PLXNC1: variants seen among roughly 807,000 people sequenced by gnomAD.
The protein encoded by PLXNC1 is plexin-C1.
PLXNC1 carries 75 observed loss-of-function variants against 178.2 expected under a neutral mutation model. That is an observed-to-expected ratio of 0.42 (90% CI 0.35 to 0.51). The LOEUF (loss-of-function observed/expected upper bound fraction) is 0.51, where lower values mean the gene tolerates loss of function less well. Ranked by LOEUF, PLXNC1 falls within the 20% of genes least tolerant of loss-of-function variation. The probability of loss-of-function intolerance (pLI) is 0.02; values close to 1 mark genes in which losing one functional copy is unlikely to be tolerated. For missense variants in PLXNC1, 1,503 were observed against 1,984.4 expected (o/e 0.76, Z 4.61); for synonymous variants, 790 against 779.9 (o/e 1.01, Z -0.22).
In PLXNC1 at chr12:94,305,450, T is replaced by TAC; in HGVS notation, c.*166_*167dup. ...GCACATGCACAGCTTTTAGAAAGCATACCAACCCTTGTGCCTGTGTGTATA... is the reference window on the plus strand; with the variant it reads ...GCACATGCACAGCTTTTAGAAAGCATACACCAACCCTTGTGCCTGTGTGTATA... On this transcript the variant is annotated 3_prime_UTR_variant, in exon 31 of 31. Transcript: ENST00000258526. 1.7e-6 allele frequency: 1 copy of TAC among 584,758 alleles called. No individual in the cohort carries two copies. The highest frequency in any genetic ancestry group is 2.8e-5 in the East Asian group (1 of 35,428). 36.2% of individuals were successfully genotyped at this position (584,758 alleles called of 1,614,324 possible). A position where few individuals can be genotyped will look rare whatever the true frequency, so the allele number is the denominator to read the frequency against.
intron 30 of PLXNC1, 58 bp downstream of exon 30, chr12:94,304,109 T>C (rs1047945603): frequency 1.3e-5 from 14 of 1,090,248 alleles, no homozygotes; most frequent in African/African-American, 7.9e-5. Context: ...GATGTGGTTA[T>C]AGCATTCTGT....
In PLXNC1 at chr12:94,254,866, G is replaced by A. The variant is rs1172376954; in HGVS notation, c.2961G>A (p.Glu987=). The change falls in exon 16 of 31, where the codon GAG becomes GAA. Residue 987 remains glutamate (E), a synonymous_variant. Coordinates refer to ENST00000258526, the MANE Select transcript of PLXNC1 (RefSeq NM_005761.3). The part of the protein sequence containing the change: ...QSQQLELLES[E]LRKEIRDGFA... The stretch of plus-strand genomic sequence containing the variant: ...AACAACTAGAATTGCTGGAAAGCGA[G>A]CTCCGGAAAGAGATACGTGACGGTA... 6.2e-7 allele frequency: 1 copy of A among 1,611,472 alleles called. No individual in the cohort carries two copies. The highest frequency in any genetic ancestry group is 1.1e-5 in the South Asian group (1 of 90,048).
intron 4 of PLXNC1, among the ~76,000 whole-genome samples, chr12:94,196,505 TC>T (rs1962920782): frequency 6.6e-6 from 1 of 152,180 alleles, no homozygotes; most frequent in East Asian, 1.9e-4. Flanking sequence ...TACCCATGCT[TC>T]CTGTACAGCC....
chr12:94,208,214 GGA>G (rs1963362705), intron 4 of PLXNC1, among the ~76,000 whole-genome samples: 1 of 152,152 alleles, frequency 6.6e-6, no homozygotes, highest in Non-Finnish European at 1.5e-5. Flanking sequence ...TTATAATGTT[GGA>G]GAAGAAACTG....
chr12:94,205,773 G>C (rs1963279779), intron 4 of PLXNC1, among the ~76,000 whole-genome samples: 1 of 152,100 alleles, frequency 6.6e-6, no homozygotes, highest in African/African-American at 2.4e-5. Context: ...TCTGTTTCTG[G>C]GGTCCCCATC....
chr12:94,278,772 C>T (rs1002499927), intron 21 of PLXNC1, among the ~76,000 whole-genome samples: 1 of 151,936 alleles, frequency 6.6e-6, no homozygotes, highest in African/African-American at 2.4e-5. Flanking sequence ...CTGAGGTGGG[C>T]AGATCACAAG....
At chr12:94,248,541 A>G (rs1964593398) in intron 14 of PLXNC1, 129 bp downstream of exon 14, 1 of 780,180 alleles carries the variant, frequency 1.3e-6, no homozygotes, top group Non-Finnish European at 2.0e-6. Flanking sequence ...AGATAAACAA[A>G]GCTGGTACTG....
intron 3 of PLXNC1, among the ~76,000 whole-genome samples, chr12:94,184,602 T>C (rs77114133): frequency 0.084 from 12,788 of 151,704 alleles, 736 homozygotes; most frequent in African/African-American, 0.15. Context: ...TTTGTATTTT[T>C]AGTAGAGACA....
chr12:94,283,529 T>C (rs906004772), intron 23 of PLXNC1, among the ~76,000 whole-genome samples: 1 of 152,174 alleles, frequency 6.6e-6, no homozygotes, highest in Non-Finnish European at 1.5e-5. Context: ...GGAATTGAGA[T>C]AAAGTAATTT....
chr12:94,202,731 T>C (rs963999091), intron 4 of PLXNC1, among the ~76,000 whole-genome samples: 3 of 152,168 alleles, frequency 2.0e-5, no homozygotes, highest in African/African-American at 4.8e-5. Context: ...CGAGGCACTA[T>C]GGAATAGATA....
In PLXNC1 at chr12:94,238,275, C is replaced by T. The variant is rs935067677; in HGVS notation, c.2120+472C>T. Reference sequence around the variant, plus strand: ...GACATTTTATTCTTTGTAGCCTTCTCTTTACTGGTTTGGTTTCAGCCTCCA... The same window carrying T: ...GACATTTTATTCTTTGTAGCCTTCTTTTTACTGGTTTGGTTTCAGCCTCCA... On this transcript the variant is annotated intron_variant, in intron 10 of 30. Transcript: ENST00000258526. Among the ~76,000 whole-genome samples the T allele has an allele frequency of 2.6e-4, 39 of 152,292 alleles. 1 individual carries two copies. The highest frequency in any genetic ancestry group is 2.4e-3 in the Admixed American group (36 of 15,296).
chr12:94,149,009 C>G lies in PLXNC1; in HGVS notation c.38C>G (p.Pro13Arg). 1 of 1,468,824 alleles carries G rather than the reference C, an allele frequency of 6.8e-7. No individual in the cohort carries two copies. Among genetic ancestry groups the G allele is most frequent in the Non-Finnish European group, 8.9e-7 (1 of 1,118,222 alleles). The allele number at this position is 1,468,824 out of a possible 1,614,324, so 91.0% of individuals were successfully genotyped here. The change falls in exon 1 of 31, where the codon CCG (proline) becomes CGG (arginine). Residue 13 changes from proline (P) to arginine (R), a missense_variant. Physicochemically the swap from Pro to Arg is moderately radical, Grantham distance 103. Around this residue, in one of 4 missense-constraint regions of PLXNC1, gnomAD observed 176 missense variants for 180.7 expected, o/e 0.97. Coordinates refer to ENST00000258526, the MANE Select transcript of PLXNC1 (RefSeq NM_005761.3). ...VSRRKAPPRP[P>R]RPAAPLPLLA... ...CGGAGGAAGGCGCCGCCGCGCCCCC[C>G]GCGCCCCGCAGCGCCACTGCCCCTG...
At chr12:94,293,712 G>A (rs1353388900) in intron 23 of PLXNC1, among the ~76,000 whole-genome samples, 2 of 152,182 alleles carry the variant, frequency 1.3e-5, no homozygotes, top group Non-Finnish European at 2.9e-5. Context: ...TTGGATGTCT[G>A]GGCTCAAGTG....
At chr12:94,220,285 C>G in intron 6 of PLXNC1, 122 bp downstream of exon 6, 1 of 905,656 alleles carries the variant, frequency 1.1e-6, no homozygotes, top group East Asian at 2.5e-5. Context: ...CCTCACTACC[C>G]CCTGGTTCCC....
chr12:94,303,655 G>A (rs1374907263), intron 28 of PLXNC1, 101 bp from the exon 29 acceptor site: 4 of 1,037,998 alleles, frequency 3.9e-6, no homozygotes, highest in Non-Finnish European at 5.3e-6. Flanking sequence ...GTTGGTGGTG[G>A]GGGTTCAGCT....
At chr12:94,153,537 T>C (rs1961039389) in intron 1 of PLXNC1, among the ~76,000 whole-genome samples, 1 of 152,248 alleles carries the variant, frequency 6.6e-6, no homozygotes, top group African/African-American at 2.4e-5. Context: ...CACACCAACG[T>C]GATACACAGA....
chr12:94,191,749 G>C (rs1962732545), intron 4 of PLXNC1, among the ~76,000 whole-genome samples: 1 of 144,072 alleles, frequency 6.9e-6, no homozygotes, highest in Non-Finnish European at 1.5e-5. Flanking sequence ...CAGCCTGGGT[G>C]ACAGAGTGAA....
chr12:94,225,191 T>C (rs139814530), intron 7 of PLXNC1, among the ~76,000 whole-genome samples: 46 of 152,148 alleles, frequency 3.0e-4, no homozygotes, highest in African/African-American at 1.1e-3. Flanking sequence ...CAATTGGAAG[T>C]TGGGATGGAG....
In PLXNC1 at chr12:94,302,367, T is replaced by C. The variant is rs556205915; in HGVS notation, c.4386+1310T>C. 2.1e-3 allele frequency among the ~76,000 whole-genome samples: 323 copies of C among 152,202 alleles called. 2 individuals are homozygous for C. The highest frequency in any genetic ancestry group is 7.0e-3 in the African/African-American group (289 of 41,452). ...TAAAATCCTACCCATTCATTCATCATAAACATTTTATTCATTCGACAAATA... is the reference window on the plus strand; with the variant it reads ...TAAAATCCTACCCATTCATTCATCACAAACATTTTATTCATTCGACAAATA... On this transcript the variant is annotated intron_variant, in intron 28 of 30. Coordinates refer to ENST00000258526, the MANE Select transcript of PLXNC1 (RefSeq NM_005761.3).
Sources: gnomAD v4.1 joint callset for allele counts (sites outside exome capture counted in the v4.1 genomes callset) on GRCh38, gnomAD v4.1.1 for gene constraint, gnomAD v4.1.1 regional missense constraint, MANE v1.5 for transcripts, NCBI Gene and HGNC (gene_info 2026-07-23, HGNC 2026-07-21) for gene names.